Variants in HS3ST3B1 observed in about 807,000 individuals in gnomAD.
HS3ST3B1 encodes the protein heparan sulfate-glucosamine 3-sulfotransferase 3B1.
In HS3ST3B1, 13 loss-of-function variants were observed where a neutral mutation model predicts 21.3. The observed-to-expected ratio is 0.61, with a 90% confidence interval of 0.40 to 0.97. The LOEUF (loss-of-function observed/expected upper bound fraction) is 0.97. Ranked by LOEUF, HS3ST3B1 falls within the 50% of genes least tolerant of loss-of-function variation. The pLI is 0.00. For synonymous variants in HS3ST3B1, 234 were observed against 254.8 expected (o/e 0.92, Z 0.78); for missense variants, 459 against 554.8 (o/e 0.83, Z 1.73).
chr17:14,308,391 C>A (rs1376493974), intron 1 of HS3ST3B1, among the ~76,000 whole-genome samples: 1 of 152,138 alleles, frequency 6.6e-6, no homozygotes, highest in Non-Finnish European at 1.5e-5. Context: ...CTTTTAAATA[C>A]AAATTTCACG....
chr17:14,343,593 CT>C (rs1187919914), intron 1 of HS3ST3B1, among the ~76,000 whole-genome samples: 4 of 152,142 alleles, frequency 2.6e-5, no homozygotes, highest in African/African-American at 9.7e-5. Flanking sequence ...CAGGATTTGT[CT>C]TTCTGTGCCT....
At chr17:14,317,376 T>C (rs1014709155) in intron 1 of HS3ST3B1, among the ~76,000 whole-genome samples, 1 of 152,140 alleles carries the variant, frequency 6.6e-6, no homozygotes, top group African/African-American at 2.4e-5. Flanking sequence ...ATGGGTCAGG[T>C]GGTAGGCAGG....
chr17:14,306,314 A>C (rs1909138404), intron 1 of HS3ST3B1, among the ~76,000 whole-genome samples: 1 of 152,242 alleles, frequency 6.6e-6, no homozygotes, highest in East Asian at 1.9e-4. Context: ...TCCCTCAAGC[A>C]TCCAGACAGA....
intron 1 of HS3ST3B1, among the ~76,000 whole-genome samples, chr17:14,332,552 GA>G (rs1775720715): frequency 6.6e-6 from 1 of 152,100 alleles, no homozygotes; most frequent in African/African-American, 2.4e-5. Context: ...TGAGTAGGTG[GA>G]ATGGAAATCT....
chr17:14,328,509 T>G (rs1351113543), intron 1 of HS3ST3B1: 1 of 152,184 alleles, frequency 6.6e-6, no homozygotes, highest in African/African-American at 2.4e-5. Flanking sequence ...GATGTCCAAT[T>G]AGAGTTTCCA....
At chr17:14,306,629 C>T (rs1210211074) in intron 1 of HS3ST3B1, among the ~76,000 whole-genome samples, 1 of 152,132 alleles carries the variant, frequency 6.6e-6, no homozygotes, top group African/African-American at 2.4e-5. Context: ...TTAAATTTAA[C>T]AAATGCTGAG....
intron 1 of HS3ST3B1, among the ~76,000 whole-genome samples, chr17:14,338,346 G>A (rs1003129504): frequency 4.0e-5 from 6 of 151,694 alleles, no homozygotes; most frequent in Non-Finnish European, 2.9e-5. Flanking sequence ...GGACGGTCTC[G>A]ATCTCCTGAC....
chr17:14,319,066 T>C (rs541899023), intron 1 of HS3ST3B1, among the ~76,000 whole-genome samples: 8 of 152,272 alleles, frequency 5.3e-5, no homozygotes, highest in Non-Finnish European at 1.2e-4. Context: ...ATGTGGCAGA[T>C]GGATGGATCG....
intron 1 of HS3ST3B1, among the ~76,000 whole-genome samples, chr17:14,334,898 G>T (rs1052992040): frequency 2.6e-5 from 4 of 152,108 alleles, no homozygotes; most frequent in Non-Finnish European, 5.9e-5. Context: ...CTTTTTAAGG[G>T]GGCATCCTTA....
chr17:14,322,892 C>A (rs2015155), intron 1 of HS3ST3B1, among the ~76,000 whole-genome samples: 138,722 of 145,640 alleles, frequency 0.95, 66,100 homozygotes, highest in East Asian at 1. Flanking sequence ...AGATTTGTGT[C>A]TATGTCTTTT....
At position 14,301,335 on chromosome 17, in the gene HS3ST3B1, CGCT is replaced by C; in HGVS notation, c.-183_-181del. On this transcript the variant is annotated 5_prime_UTR_variant, in exon 1 of 2. Coordinates refer to ENST00000360954, the MANE Select transcript of HS3ST3B1 (RefSeq NM_006041.3). ...CGGGCAACATGTCAAGAGCCGCCGC[CGCT>C]ACAGCTGCCGCCGCCACCTGGGGAA... is the stretch of plus-strand genomic sequence containing the variant. The C allele has an allele frequency of 1.9e-6, 1 of 516,412 alleles. No individual in the cohort carries two copies. Among genetic ancestry groups the C allele is most frequent in the African/African-American group, 2.0e-5 (1 of 49,622 alleles). The allele number at this position is 516,412 out of a possible 1,614,324, so 32.0% of individuals were successfully genotyped here. A position where few individuals can be genotyped will look rare whatever the true frequency, so the allele number is the denominator to read the frequency against.
chr17:14,312,665 A>G (rs1167528775), intron 1 of HS3ST3B1, among the ~76,000 whole-genome samples: 3 of 151,840 alleles, frequency 2.0e-5, no homozygotes, highest in Admixed American at 6.6e-5. Flanking sequence ...TCTCTGACCG[A>G]GGCCTGCTCC....
At chr17:14,344,179 C>T (rs528905195) in intron 1 of HS3ST3B1, among the ~76,000 whole-genome samples, 14 of 152,320 alleles carry the variant, frequency 9.2e-5, no homozygotes, top group African/African-American at 2.2e-4. Flanking sequence ...GGATTAATGG[C>T]GTGAGCCACT....
intron 1 of HS3ST3B1, among the ~76,000 whole-genome samples, chr17:14,334,246 T>A (rs1910119744): frequency 6.6e-6 from 1 of 151,188 alleles, no homozygotes; most frequent in South Asian, 2.1e-4. Flanking sequence ...GAATCTTTGC[T>A]AGATTCCAGT....
Position 14,301,951 on chromosome 17 carries a change from G to A in HS3ST3B1, c.433G>A (p.Val145Met). 1 of 1,609,632 alleles carries A rather than the reference G, an allele frequency of 6.2e-7. No individual in the cohort carries two copies. The highest frequency in any genetic ancestry group is 8.5e-7 in the Non-Finnish European group (1 of 1,178,568). ...GCTGCCGCAGGCCATCATCATCGGC[G>A]TGAAGAAGGGCGGCACGCGGGCGCT... The part of the protein sequence containing the change: ...KQLPQAIIIG[V>M]KKGGTRALLE... Residue 145 changes from valine to methionine, a missense_variant, in exon 1 of 2, where the codon GTG becomes ATG. Physicochemically the swap from Val to Met is conservative, Grantham distance 21. Around this residue, in one of 3 missense-constraint regions of HS3ST3B1, gnomAD observed 317 missense variants for 278.6 expected, o/e 1.14. Transcript: ENST00000360954.
intron 1 of HS3ST3B1, among the ~76,000 whole-genome samples, chr17:14,315,070 A>C (rs944691683): frequency 1.3e-5 from 2 of 152,062 alleles, no homozygotes; most frequent in African/African-American, 4.8e-5. Context: ...TTACTTTTTT[A>C]GTTCCCTAAC....
rs1425626599 is a variant in HS3ST3B1, at chr17:14,345,021, T to C, written c.555-7T>C. The C allele has an allele frequency of 2.5e-6, 4 of 1,605,104 alleles. No homozygotes were observed. The Admixed American group carries it at 5.0e-5, about 20-fold the overall frequency. On this transcript the variant is annotated splice_region_variant and splice_polypyrimidine_tract_variant and intron_variant, in intron 1 of 1. Transcript: ENST00000360954. ...CTGATCCCGGTTTGTTTGCTTGCGT[T>C]TCTCAGGGACCTGATGCCCAGAACC... is the stretch of plus-strand genomic sequence containing the variant.
chr17:14,310,231 G>T (rs1341953983), intron 1 of HS3ST3B1, among the ~76,000 whole-genome samples: 1 of 152,112 alleles, frequency 6.6e-6, no homozygotes, highest in Non-Finnish European at 1.5e-5. Flanking sequence ...GACTCAGACC[G>T]AGTGGCACGC....
intron 1 of HS3ST3B1, among the ~76,000 whole-genome samples, chr17:14,302,626 A>G (rs916604362): frequency 6.6e-6 from 1 of 151,454 alleles, no homozygotes; most frequent in South Asian, 2.1e-4. Flanking sequence ...AGGGTGTCAG[A>G]CCCGCCTCGC....
Sources: allele counts gnomAD v4.1 joint callset (sites outside exome capture counted in the v4.1 genomes callset), GRCh38; gene constraint gnomAD v4.1.1; regional missense constraint gnomAD v4.1.1; transcripts MANE v1.5; gene names NCBI Gene and HGNC (gene_info 2026-07-23, HGNC 2026-07-21).